RAD51B: variants seen among roughly 807,000 people sequenced by gnomAD.
The protein encoded by RAD51B is RAD51 paralog B, also known as DNA repair protein RAD51 homolog 2.
In RAD51B, 38 loss-of-function variants were observed where a neutral mutation model predicts 42.2. The observed-to-expected ratio is 0.90, with a 90% CI of 0.70 to 1.18. RAD51B has a LOEUF of 1.18. RAD51B is among the 50% of genes most tolerant of loss of function. RAD51B has a pLI of 0.00. For missense variants in RAD51B, 373 were observed against 400.7 expected (o/e 0.93, Z 0.59); for synonymous variants, 154 against 145.2 (o/e 1.06, Z -0.43).
chr14:68,536,142 A>G (rs751656299), intron 10 of RAD51B, among the ~76,000 whole-genome samples: 20 of 152,318 alleles, frequency 1.3e-4, no homozygotes, highest in Non-Finnish European at 2.5e-4. Context: ...AACTCCTGAC[A>G]TCTCCATTCT....
intron 8 of RAD51B, among the ~76,000 whole-genome samples, chr14:68,318,932 T>TA (rs2082110357): frequency 6.6e-6 from 1 of 152,230 alleles, no homozygotes; most frequent in Admixed American, 6.5e-5. Context: ...TCAGTACTCT[T>TA]ACAAGTATCA....
chr14:67,823,856 G>A (rs904075008), intron 2 of RAD51B, among the ~76,000 whole-genome samples: 2 of 152,122 alleles, frequency 1.3e-5, no homozygotes, highest in African/African-American at 2.4e-5. Context: ...AAGTGGTCAC[G>A]GCATAAGGTG....
intron 7 of RAD51B, among the ~76,000 whole-genome samples, chr14:68,137,611 GA>G (rs1266013464): frequency 6.6e-6 from 1 of 152,122 alleles, no homozygotes; most frequent in Non-Finnish European, 1.5e-5. Flanking sequence ...ATATTATGAT[GA>G]ACATCCCTAA....
intron 7 of RAD51B, among the ~76,000 whole-genome samples, chr14:68,205,331 G>A (rs575706033): frequency 6.6e-5 from 10 of 152,254 alleles, no homozygotes; most frequent in African/African-American, 1.9e-4. Flanking sequence ...ATGAATTGTA[G>A]CAATAATTTA....
At chr14:67,902,067 A>G (rs1325201183) in intron 7 of RAD51B, among the ~76,000 whole-genome samples, 1 of 152,190 alleles carries the variant, frequency 6.6e-6, no homozygotes, top group Non-Finnish European at 1.5e-5. Flanking sequence ...GAAAAATGAA[A>G]GAAAATAGGA....
chr14:68,297,336 A>T (rs74058874), intron 8 of RAD51B, among the ~76,000 whole-genome samples: 1,666 of 152,260 alleles, frequency 0.011, 37 homozygotes, highest in African/African-American at 0.038. Context: ...AGTTGCTATG[A>T]TCAATGGTTT....
At chr14:68,303,629 C>G (rs1186125137) in intron 8 of RAD51B, among the ~76,000 whole-genome samples, 3 of 152,112 alleles carry the variant, frequency 2.0e-5, no homozygotes, top group Non-Finnish European at 4.4e-5. Flanking sequence ...GGGGTTAGCC[C>G]TAAACTTCTT....
chr14:68,585,759 A>C (rs1259816877), intron 10 of RAD51B, among the ~76,000 whole-genome samples: 1 of 152,212 alleles, frequency 6.6e-6, no homozygotes, highest in East Asian at 1.9e-4. Flanking sequence ...TCACTCCAGC[A>C]GCTCCGGAAA....
intron 8 of RAD51B, among the ~76,000 whole-genome samples, chr14:68,323,040 C>G (rs1282996262): frequency 6.6e-6 from 1 of 152,172 alleles, no homozygotes; most frequent in Non-Finnish European, 1.5e-5. Flanking sequence ...AGAGGGAAAA[C>G]ATCTCTTGTT....
intron 9 of RAD51B, among the ~76,000 whole-genome samples, chr14:68,467,236 A>G (rs2086008659): frequency 6.6e-6 from 1 of 152,360 alleles, no homozygotes; most frequent in Admixed American, 6.5e-5. Flanking sequence ...TAAATGATCA[A>G]ATAACCATCT....
intron 9 of RAD51B, among the ~76,000 whole-genome samples, chr14:68,442,615 A>G (rs1233786323): frequency 6.6e-6 from 1 of 151,044 alleles, no homozygotes; most frequent in African/African-American, 2.4e-5. Context: ...TAATTTTTGT[A>G]TTTTTAGTAG....
intron 7 of RAD51B, among the ~76,000 whole-genome samples, chr14:67,919,197 T>C (rs1026956226): frequency 2.6e-5 from 4 of 152,332 alleles, no homozygotes; most frequent in African/African-American, 9.6e-5. Flanking sequence ...GAGCTTACAC[T>C]GTAATAAGGG....
intron 9 of RAD51B, among the ~76,000 whole-genome samples, chr14:68,465,955 T>TAAAA (rs1240782454): frequency 5.8e-5 from 2 of 34,700 alleles, no homozygotes; most frequent in South Asian, 5.1e-4. Flanking sequence ...AAAAAAAAAA[T>TAAAA]AAATAAATAA....
In RAD51B at chr14:68,142,137, A is replaced by G. The variant is rs536663268; in HGVS notation, c.757-149747A>G. Among the ~76,000 whole-genome samples the G allele has an allele frequency of 2.0e-5, 3 of 152,110 alleles. No homozygotes were observed. In the South Asian group the frequency reaches 6.2e-4, roughly 32 times the overall value. On this transcript the variant is annotated intron_variant, in intron 7 of 10. Coordinates refer to ENST00000471583, the MANE Select transcript of RAD51B (RefSeq NM_133510.4). The stretch of plus-strand genomic sequence containing the variant: ...TTAATTTAACTTTTACTAGTTAATG[A>G]AGTGTTTTTTTTTTAAATGTCATAT...
chr14:68,625,443 G>A (rs1340904590), intron 10 of RAD51B, among the ~76,000 whole-genome samples: 1 of 152,118 alleles, frequency 6.6e-6, no homozygotes, highest in Non-Finnish European at 1.5e-5. Flanking sequence ...CCTAAGCTCT[G>A]AGTAGACACT....
chr14:68,142,544 T>A (rs1246404049), intron 7 of RAD51B, among the ~76,000 whole-genome samples: 1 of 152,226 alleles, frequency 6.6e-6, no homozygotes, highest in Non-Finnish European at 1.5e-5. Context: ...TTTAAATCCA[T>A]GCTTAATTTA....
At chr14:68,068,571 T>A (rs960704639) in intron 7 of RAD51B, among the ~76,000 whole-genome samples, 2 of 152,226 alleles carry the variant, frequency 1.3e-5, no homozygotes, top group African/African-American at 4.8e-5. Flanking sequence ...ATAATGCTGC[T>A]CTGGATATTT....
chr14:68,260,977 T>C (rs1555383161), intron 7 of RAD51B, among the ~76,000 whole-genome samples: 1 of 152,250 alleles, frequency 6.6e-6, no homozygotes, highest in Non-Finnish European at 1.5e-5. Flanking sequence ...AAATGCCTAA[T>C]CTAACCTTTG....
chr14:68,419,226 G>A (rs2084637126), intron 9 of RAD51B, among the ~76,000 whole-genome samples: 1 of 152,200 alleles, frequency 6.6e-6, no homozygotes, highest in Middle Eastern at 3.2e-3. Context: ...CACACAACTA[G>A]TAGGTAGCAG....
Sources: gnomAD v4.1 joint callset for allele counts (sites outside exome capture counted in the v4.1 genomes callset) on GRCh38, gnomAD v4.1.1 for gene constraint, MANE v1.5 for transcripts, NCBI Gene and HGNC (gene_info 2026-07-23, HGNC 2026-07-21) for gene names.